MAP2: variants seen among roughly 807,000 people sequenced by gnomAD.
MAP2 encodes the protein microtubule-associated protein 2.
A neutral mutation model predicts 137.6 loss-of-function variants in MAP2; 14 were observed. That is an observed-to-expected ratio of 0.10 (90% confidence interval 0.07 to 0.16). The LOEUF (loss-of-function observed/expected upper bound fraction) is 0.16, where lower values mean the gene tolerates loss of function less well. Ranked by LOEUF, MAP2 falls within the 10% of genes least tolerant of loss-of-function variation. The pLI, the probability that MAP2 is intolerant of heterozygous loss-of-function variation, is 1.00. For missense variants in MAP2, 2,088 were observed against 2,191.5 expected, an observed-to-expected ratio of 0.95 and a Z score of 0.94; for synonymous variants, 786 against 782.3, an observed-to-expected ratio of 1.00 and a Z score of -0.08.
chr2:209,429,380 C>A (rs560398925), intron 1 of MAP2, among the ~76,000 whole-genome samples: 1 of 107,726 alleles, frequency 9.3e-6, no homozygotes, highest in African/African-American at 5.1e-5. Context: ...CATGGTTCAA[C>A]TAGTTTTTTT....
intron 2 of MAP2, among the ~76,000 whole-genome samples, chr2:209,508,184 G>A (rs1389081493): frequency 6.6e-6 from 1 of 151,632 alleles, no homozygotes; most frequent in East Asian, 1.9e-4. Context: ...GCTTAACTGA[G>A]TTTAGAGTAG....
intron 12 of MAP2, 56 bp downstream of exon 12, chr2:209,705,783 GAATAGCACTTATATTT>G: frequency 7.6e-7 from 1 of 1,312,826 alleles, no homozygotes; most frequent in Non-Finnish European, 1.1e-6. Context: ...CCTTTAAGTG[GAATAGCACTTATATTT>G]ATATTTTAAT....
chr2:209,457,984 CT>C (rs1402565662), intron 1 of MAP2, among the ~76,000 whole-genome samples: 1 of 151,926 alleles, frequency 6.6e-6, no homozygotes, highest in Non-Finnish European at 1.5e-5. Flanking sequence ...GGACTGCCAA[CT>C]TTTTTTTGTT....
chr2:209,427,565 C>A (rs1339517759), intron 1 of MAP2, among the ~76,000 whole-genome samples: 1 of 152,060 alleles, frequency 6.6e-6, no homozygotes, highest in African/African-American at 2.4e-5. Flanking sequence ...TTTAATTCGA[C>A]ATTTGGATGT....
chr2:209,654,943 C>T (rs977941079), intron 5 of MAP2, among the ~76,000 whole-genome samples: 12 of 152,064 alleles, frequency 7.9e-5, no homozygotes, highest in African/African-American at 1.2e-4. Flanking sequence ...CTTGGGCTCT[C>T]GCCAGTTGAC....
At chr2:209,713,208 A>C (rs2066121598) in intron 13 of MAP2, among the ~76,000 whole-genome samples, 1 of 152,212 alleles carries the variant, frequency 6.6e-6, no homozygotes. Flanking sequence ...AAATTTGTGC[A>C]ATCTCTAAAA....
intron 10 of MAP2, 140 bp downstream of exon 10, chr2:209,697,191 T>G: frequency 1.3e-6 from 1 of 774,536 alleles, no homozygotes; most frequent in South Asian, 2.1e-5. Context: ...ATTAAGTGTC[T>G]TGTATCATTA....
intron 4 of MAP2, among the ~76,000 whole-genome samples, chr2:209,648,313 C>G (rs1476421827): frequency 6.6e-6 from 1 of 151,982 alleles, no homozygotes; most frequent in African/African-American, 2.4e-5. Flanking sequence ...GTTGGTCAGG[C>G]TGGTCTCGAA....
rs11272042 is a variant in MAP2 at position 209,435,997 on chromosome 2, C to G, written c.-222+11721C>G. 2.6e-5 allele frequency among the ~76,000 whole-genome samples: 2 copies of G among 78,412 alleles called. 1 individual carries two copies. Among genetic ancestry groups the G allele is most frequent in the Non-Finnish European group, 4.5e-5 (2 of 44,756 alleles). The allele number at this position is 78,412 out of a possible 152,430, so 51.4% of individuals were successfully genotyped here. A position where few individuals can be genotyped will look rare whatever the true frequency, so the allele number is the denominator to read the frequency against. The stretch of plus-strand genomic sequence containing the variant: ...TAATATATACAGTATATATTATATA[C>G]TATATATACAGTATATATTATATAT... On this transcript the variant is annotated intron_variant, in intron 1 of 15. Transcript: ENST00000682079.
At chr2:209,471,234 C>T (rs368434782) in intron 1 of MAP2, among the ~76,000 whole-genome samples, 1 of 152,206 alleles carries the variant, frequency 6.6e-6, no homozygotes, top group Non-Finnish European at 1.5e-5. Context: ...TTAATTCTGA[C>T]TCATCCTACA....
intron 4 of MAP2, among the ~76,000 whole-genome samples, chr2:209,644,292 C>T (rs2094248541): frequency 6.6e-6 from 1 of 152,166 alleles, no homozygotes; most frequent in African/African-American, 2.4e-5. Flanking sequence ...TACTAGACCT[C>T]TATCACCCCA....
chr2:209,427,195 A>T (rs555748807), intron 1 of MAP2, among the ~76,000 whole-genome samples: 1 of 152,304 alleles, frequency 6.6e-6, no homozygotes, highest in African/African-American at 2.4e-5. Flanking sequence ...TCCTCTTAAC[A>T]GATTAAGATA....
At chr2:209,659,547 A>G (rs966267385) in intron 5 of MAP2, among the ~76,000 whole-genome samples, 10 of 152,210 alleles carry the variant, frequency 6.6e-5, no homozygotes, top group Admixed American at 5.9e-4. Context: ...TCTATTCCAG[A>G]ACTGCCACAT....
chr2:209,480,329 A>G (rs1559215906), intron 1 of MAP2, among the ~76,000 whole-genome samples: 2 of 152,196 alleles, frequency 1.3e-5, no homozygotes, highest in Non-Finnish European at 1.5e-5. Flanking sequence ...TTCGGAGGGA[A>G]ACTATTAGGT....
At chr2:209,690,024 A>G (rs540923049) in intron 7 of MAP2, among the ~76,000 whole-genome samples, 3 of 152,322 alleles carry the variant, frequency 2.0e-5, no homozygotes, top group Non-Finnish European at 4.4e-5. Flanking sequence ...GGACTTTGTG[A>G]TAAAGCTGTT....
chr2:209,571,458 T>C (rs1274736704), intron 2 of MAP2, among the ~76,000 whole-genome samples: 1 of 152,020 alleles, frequency 6.6e-6, no homozygotes, highest in African/African-American at 2.4e-5. Context: ...ATATTTAGTT[T>C]AGTATTTACT....
Position 209,693,055 on chromosome 2 carries a change from A to C in MAP2, c.885A>C (p.Lys295Asn), listed in dbSNP as rs2059359163. 3.1e-6 allele frequency: 5 copies of C among 1,612,944 alleles called. No individual in the cohort carries two copies. The highest frequency in any genetic ancestry group is 4.2e-6 in the Non-Finnish European group (5 of 1,179,656). ...SPGPLTPMRE[K>N]DVFDDIPKWE... ...GCCCTCTGACTCCCATGAGGGAAAA[A>C]GATGTATTTGATGATATCCCAAAAT... is the stretch of plus-strand genomic sequence containing the variant. Residue 295 changes from lysine (K) to asparagine (N), a missense_variant, in exon 8 of 16, where the codon AAA becomes AAC. By Grantham distance (94) the Lys-to-Asn change is moderately conservative. Around this residue, in one of 6 missense-constraint regions of MAP2, gnomAD observed 859 missense variants for 794.5 expected, o/e 1.08. Coordinates refer to ENST00000682079, the MANE Select transcript of MAP2 (RefSeq NM_001375505.1).
chr2:209,574,322 G>A (rs2074939956), intron 2 of MAP2, among the ~76,000 whole-genome samples: 1 of 152,022 alleles, frequency 6.6e-6, no homozygotes, highest in African/African-American at 2.4e-5. Context: ...ATCATGCAAT[G>A]TTTTTCTTTC....
chr2:209,619,643 G>A (rs1395049364), intron 3 of MAP2, among the ~76,000 whole-genome samples: 4 of 151,886 alleles, frequency 2.6e-5, no homozygotes, highest in African/African-American at 9.7e-5. Context: ...TAAAATATTT[G>A]TTTATATGTA....
Sources: allele counts gnomAD v4.1 joint callset (sites outside exome capture counted in the v4.1 genomes callset), GRCh38; gene constraint gnomAD v4.1.1; regional missense constraint gnomAD v4.1.1; transcripts MANE v1.5; gene names NCBI Gene and HGNC (gene_info 2026-07-23, HGNC 2026-07-21).